The following DYM variants were observed in gnomAD, a reference collection of about 807,000 sequenced individuals.
DYM encodes the protein dyggve-Melchior-Clausen syndrome protein.
In DYM, 78 loss-of-function variants were observed where a neutral mutation model predicts 93.1. The ratio of observed to expected loss-of-function variants is 0.84; its 90% CI spans 0.70 to 1.01. DYM has a LOEUF of 1.01. DYM is among the 50% of genes least tolerant of loss of function. The pLI, the probability that DYM is intolerant of heterozygous loss-of-function variation, is 0.00. For synonymous variants in DYM, 321 were observed against 319.7 expected, an observed-to-expected ratio of 1.00 and a Z score of -0.04; for missense variants, 789 against 845.0, an observed-to-expected ratio of 0.93 and a Z score of 0.82.
chr18:49,156,845 G>A (rs2086514292), intron 15 of DYM, among the ~76,000 whole-genome samples: 1 of 151,822 alleles, frequency 6.6e-6, no homozygotes, highest in Admixed American at 6.6e-5. Context: ...GGAAAATGTT[G>A]CTTTGCTGTG....
rs527535184 is a variant in DYM, at chr18:49,376,595, T to C, written c.421+1972A>G. On this transcript the variant is annotated intron_variant, in intron 5 of 17. Transcript: ENST00000675505. ...TGTTCTGCATGCCTTGCACACAGCA[T>C]TGCTATGAGGCAGTAGTTTCCTGCC... Among the ~76,000 whole-genome samples, 10 of 152,340 alleles carry C rather than the reference T, an allele frequency of 6.6e-5. No individual in the cohort carries two copies. In the South Asian group the frequency reaches 2.1e-3, roughly 32 times the overall value.
At chr18:49,156,814 C>G (rs547248304) in intron 15 of DYM, among the ~76,000 whole-genome samples, 3 of 151,928 alleles carry the variant, frequency 2.0e-5, no homozygotes, top group Non-Finnish European at 2.9e-5. Flanking sequence ...CATATGCCCC[C>G]CTCCTAGATG....
At chr18:49,057,137 C>T (rs2075568003) in intron 17 of DYM, among the ~76,000 whole-genome samples, 1 of 152,218 alleles carries the variant, frequency 6.6e-6, no homozygotes, top group Non-Finnish European at 1.5e-5. Context: ...TTTAACTGCA[C>T]TGGTATAAAT....
intron 1 of DYM, among the ~76,000 whole-genome samples, chr18:49,441,206 A>ATATAATTATATATTTATATATAATATAT (rs2081505344): frequency 2.5e-5 from 1 of 39,626 alleles, no homozygotes; most frequent in Non-Finnish European, 4.2e-5. Flanking sequence ...ATTATATATT[A>ATATAATTATATATTTATATATAATATAT]TATATATTAT....
At chr18:49,330,453 A>T (rs2063227291) in intron 8 of DYM, among the ~76,000 whole-genome samples, 1 of 152,126 alleles carries the variant, frequency 6.6e-6, no homozygotes, top group South Asian at 2.1e-4. Context: ...AGTTAAATTC[A>T]TGTTTTTTGG....
At chr18:49,409,631 G>T (rs2071975732) in intron 2 of DYM, among the ~76,000 whole-genome samples, 1 of 152,054 alleles carries the variant, frequency 6.6e-6, no homozygotes, top group Admixed American at 6.6e-5. Context: ...AAATTAATAA[G>T]GAAAAAATAT....
chr18:49,058,373 G>A (rs1038349979), intron 17 of DYM, among the ~76,000 whole-genome samples: 5 of 149,860 alleles, frequency 3.3e-5, no homozygotes, highest in Non-Finnish European at 7.4e-5. Context: ...AGGCTAGAGT[G>A]TAGTGATATG....
intron 14 of DYM, among the ~76,000 whole-genome samples, chr18:49,193,661 A>T (rs1207707752): frequency 6.6e-6 from 1 of 152,242 alleles, no homozygotes; most frequent in South Asian, 2.1e-4. Flanking sequence ...ATGTGTGGTG[A>T]GATACATTTA....
At chr18:49,128,006 C>A (rs1599946910) in intron 15 of DYM, among the ~76,000 whole-genome samples, 1 of 152,360 alleles carries the variant, frequency 6.6e-6, no homozygotes, top group South Asian at 2.1e-4. Flanking sequence ...CCACAAGCCT[C>A]AACCACAACA....
intron 2 of DYM, among the ~76,000 whole-genome samples, chr18:49,396,113 T>C (rs2070040728): frequency 6.6e-6 from 1 of 152,208 alleles, no homozygotes; most frequent in Non-Finnish European, 1.5e-5. Flanking sequence ...GGAAGCAGCC[T>C]GAGGCCCTCA....
chr18:49,164,854 T>C (rs997332834), intron 14 of DYM, among the ~76,000 whole-genome samples: 48 of 152,332 alleles, frequency 3.2e-4, no homozygotes, highest in South Asian at 4.1e-4. Context: ...GACTATTCTA[T>C]TCTAGAGTGC....
At chr18:49,274,561 C>T (rs1204038811) in intron 10 of DYM, among the ~76,000 whole-genome samples, 2 of 152,088 alleles carry the variant, frequency 1.3e-5, no homozygotes, top group Admixed American at 6.5e-5. Context: ...CAGGAACTAC[C>T]AGACTGTTTC....
rs190370239 is a variant in DYM, at chr18:49,186,486, C to T, written c.1626-22699G>A. 9.1e-3 allele frequency among the ~76,000 whole-genome samples: 1,381 copies of T among 152,206 alleles called. 10 individuals are homozygous for T. The highest frequency in any genetic ancestry group is 0.015 in the Non-Finnish European group (992 of 67,986). The stretch of plus-strand genomic sequence containing the variant: ...CCTATATCTTCTTTTATGCCACCCC[C>T]TACGCTTGGAACAAACCTATTAATC... On this transcript the variant is annotated intron_variant, in intron 14 of 17. Coordinates refer to ENST00000675505, the MANE Select transcript of DYM (RefSeq NM_001353214.3).
chr18:49,079,819 C>T (rs545805821), intron 17 of DYM, among the ~76,000 whole-genome samples: 7 of 151,898 alleles, frequency 4.6e-5, no homozygotes, highest in African/African-American at 1.2e-4. Context: ...TACACAAACA[C>T]GGCAACCATC....
chr18:49,364,464 A>T (rs1012386640), intron 5 of DYM, among the ~76,000 whole-genome samples: 1 of 151,982 alleles, frequency 6.6e-6, no homozygotes, highest in Non-Finnish European at 1.5e-5. Context: ...AAAGAAAGAA[A>T]GAAAGAAAAC....
At chr18:49,163,873 T>A in intron 14 of DYM, 86 bp from the exon 15 acceptor site, 1 of 826,164 alleles carries the variant, frequency 1.2e-6, no homozygotes. Flanking sequence ...CCACAGCATG[T>A]CAATTATTCT....
intron 1 of DYM, among the ~76,000 whole-genome samples, chr18:49,439,291 G>A (rs1347625216): frequency 6.6e-6 from 1 of 152,132 alleles, no homozygotes; most frequent in Non-Finnish European, 1.5e-5. Flanking sequence ...GCTTTTAGTA[G>A]TAAACCTTTC....
chr18:49,049,644 T>C (rs1451349432), intron 17 of DYM: 2 of 154,168 alleles, frequency 1.3e-5, no homozygotes, highest in Admixed American at 6.5e-5. Flanking sequence ...ATTACTGACA[T>C]TAAAATGACA....
intron 14 of DYM, among the ~76,000 whole-genome samples, chr18:49,170,780 CAAAAAAAAAAAAAA>C (rs34297501): frequency 6.4e-5 from 2 of 31,212 alleles, no homozygotes; most frequent in South Asian, 1.5e-3. Context: ...GACTCCGTCT[CAAAAAAAAAAAAAA>C]AAAAAAAAAA....
Sources: gnomAD v4.1 joint callset for allele counts (sites outside exome capture counted in the v4.1 genomes callset) on GRCh38, gnomAD v4.1.1 for gene constraint, MANE v1.5 for transcripts, NCBI Gene and HGNC (gene_info 2026-07-23, HGNC 2026-07-21) for gene names.